ATP7A: variants seen among roughly 807,000 people sequenced by gnomAD.
ATP7A encodes the protein copper-transporting ATPase 1.
A neutral mutation model predicts 83.5 loss-of-function variants in ATP7A; 7 were observed. The ratio of observed to expected loss-of-function variants is 0.08; its 90% confidence interval spans 0.05 to 0.16. The LOEUF is 0.16. Among genes scored for constraint, ATP7A ranks in the 10% least tolerant of loss-of-function variants. ATP7A has a pLI of 1.00. For missense variants in ATP7A, 940 were observed against 1,120.8 expected (o/e 0.84, Z 2.30); for synonymous variants, 354 against 395.2 (o/e 0.90, Z 1.24).
At chrX:77,995,567 CAAAA>C (rs1232051931) in intron 4 of ATP7A, among the ~76,000 whole-genome samples, 3 of 35,023 alleles carry the variant, frequency 8.6e-5, no homozygotes, top group Admixed American at 8.1e-4. Context: ...GACTCCATCT[CAAAA>C]AAAAAAAAAA....
At chrX:77,949,617 T>C (rs1557226594) in intron 1 of ATP7A, among the ~76,000 whole-genome samples, 1 of 112,252 alleles carries the variant, frequency 8.9e-6, no homozygotes, top group Non-Finnish European at 1.9e-5. Flanking sequence ...CCAACAATTC[T>C]ACTGGTGGGA....
rs1377509132 is a variant in ATP7A, at chrX:77,998,753, A to G, written c.1543+69A>G. Reference sequence around the variant, plus strand: ...AGCTCCATCTTTTTTGTTCTCTTACATGTTTTGTAACTATGTTATGATTCT... The same window carrying G: ...AGCTCCATCTTTTTTGTTCTCTTACGTGTTTTGTAACTATGTTATGATTCT... On this transcript the variant is annotated intron_variant, in intron 5 of 22. Coordinates refer to ENST00000341514, the MANE Select transcript of ATP7A (RefSeq NM_000052.7). 8.5e-6 allele frequency: 9 copies of G among 1,057,070 alleles called. No individual in the cohort carries two copies. The African/African-American group carries it at 1.8e-4, about 21-fold the overall frequency. 87.1% of individuals were successfully genotyped at this position (1,057,070 alleles called of 1,213,427 possible).
At chrX:77,945,291 C>T (rs2077372456) in intron 1 of ATP7A, among the ~76,000 whole-genome samples, 1 of 111,930 alleles carries the variant, frequency 8.9e-6, no homozygotes. Flanking sequence ...GATCCTCCCA[C>T]CTCAGCCTCC....
intron 6 of ATP7A, 62 bp from the exon 7 acceptor site, chrX:78,009,040 T>C: frequency 9.6e-7 from 1 of 1,042,022 alleles, no homozygotes; most frequent in Non-Finnish European, 1.3e-6. Flanking sequence ...AAAAAAGTGG[T>C]AACTCATGTT....
At chrX:78,032,190 G>A (rs2077987543) in intron 16 of ATP7A, among the ~76,000 whole-genome samples, 1 of 111,533 alleles carries the variant, frequency 9.0e-6, no homozygotes, top group Non-Finnish European at 1.9e-5. Context: ...GAATTTTCCT[G>A]TCAGGAAATG....
chrX:78,018,135 T>C (rs1441484678), intron 12 of ATP7A, among the ~76,000 whole-genome samples: 1 of 108,529 alleles, frequency 9.2e-6, no homozygotes, highest in Non-Finnish European at 1.9e-5. Context: ...TCCCCATAAG[T>C]TCCTCATCTC....
chrX:77,921,308 T>C (rs2077213597), intron 1 of ATP7A, among the ~76,000 whole-genome samples: 1 of 112,131 alleles, frequency 8.9e-6, no homozygotes, highest in Non-Finnish European at 1.9e-5. Context: ...TCCATTCTTC[T>C]GGAGAACTCC....
chrX:78,023,123 C>T (rs1434721247), intron 14 of ATP7A, among the ~76,000 whole-genome samples: 1 of 112,054 alleles, frequency 8.9e-6, no homozygotes, highest in African/African-American at 3.2e-5. Flanking sequence ...GACATGATTT[C>T]TTTTTTTATG....
chrX:77,939,304 A>C (rs911573382), intron 1 of ATP7A, among the ~76,000 whole-genome samples: 1 of 110,888 alleles, frequency 9.0e-6, no homozygotes, highest in Non-Finnish European at 1.9e-5. Context: ...CTCAAAAAAA[A>C]AAAAAGTACA....
At chrX:77,990,032 A>T in intron 4 of ATP7A, 74 bp downstream of exon 4, 1 of 1,166,969 alleles carries the variant, frequency 8.6e-7, no homozygotes, top group African/African-American at 1.8e-5. Flanking sequence ...GGCATTTATC[A>T]ATGAGAAATG....
intron 1 of ATP7A, among the ~76,000 whole-genome samples, chrX:77,926,643 T>C (rs2149044607): frequency 8.9e-6 from 1 of 111,955 alleles, no homozygotes; most frequent in East Asian, 2.8e-4. Context: ...AGTCAATATT[T>C]AGATATCTCT....
In ATP7A at chrX:77,998,491, G is replaced by T. The variant is rs782421584; in HGVS notation, c.1350G>T (p.Pro450=). ...CCTTTCTACCAGACACGAATGAGCC[G>T]TTGGTAGTAATAGCTCAGCCTTCAT... ...FDATLSDTNE[P]LVVIAQPSSE... is the part of the protein sequence containing the mutation. The change falls in exon 5 of 23, where the codon CCG becomes CCT. Residue 450 remains proline (P), a synonymous_variant. Coordinates refer to ENST00000341514, the MANE Select transcript of ATP7A (RefSeq NM_000052.7). The T allele has an allele frequency of 8.3e-7, 1 of 1,209,589 alleles. No individual in the cohort carries two copies. The highest frequency in any genetic ancestry group is 1.7e-5 in the African/African-American group (1 of 57,216).
rs982861458 is a variant in ATP7A at position 78,042,344 on chromosome X, C to T, written c.3802-241C>T. Among the ~76,000 whole-genome samples the T allele has an allele frequency of 2.7e-5, 3 of 110,822 alleles. No homozygotes were observed. The Admixed American group carries it at 2.9e-4, about 11-fold the overall frequency. On this transcript the variant is annotated intron_variant, in intron 19 of 22. Transcript: ENST00000341514. ...TAGAGCTAGACATGGAATTGCTAGA[C>T]CAAATGATGCTCACATTTTGATAGA...
At chrX:78,000,145 A>G (rs1267652909) in intron 5 of ATP7A, among the ~76,000 whole-genome samples, 3 of 110,998 alleles carry the variant, frequency 2.7e-5, no homozygotes, top group Non-Finnish European at 1.9e-5. Context: ...AATAAAATGT[A>G]TGGTATACGG....
At chrX:77,928,852 C>T (rs929243371) in intron 1 of ATP7A, among the ~76,000 whole-genome samples, 3 of 111,693 alleles carry the variant, frequency 2.7e-5, no homozygotes, top group Non-Finnish European at 5.6e-5. Flanking sequence ...TGTGCTAGGC[C>T]GTCAATGGGT....
Position 77,988,605 on chromosome X carries a change from G to T in ATP7A, c.484G>T (p.Asp162Tyr). The T allele has an allele frequency of 8.3e-7, 1 of 1,211,839 alleles. No homozygotes were observed. The highest frequency in any genetic ancestry group is 1.1e-6 in the Non-Finnish European group (1 of 895,545). ...TLEKKSGACE[D>Y]HSMAQAGEVV... is the part of the protein sequence containing the mutation. ...GGAGAAAAAGTCAGGAGCTTGTGAA[G>T]ATCATAGTATGGCTCAAGCTGGTGA... is the stretch of plus-strand genomic sequence containing the variant. The change falls in exon 3 of 23, where the codon GAT becomes TAT. Residue 162 changes from aspartate (D) to tyrosine (Y), a missense_variant. Physicochemically the swap from Asp to Tyr is radical, Grantham distance 160. Transcript: ENST00000341514.
At chrX:77,971,133 C>A (rs2149073494) in intron 1 of ATP7A, among the ~76,000 whole-genome samples, 1 of 111,731 alleles carries the variant, frequency 9.0e-6, no homozygotes, top group African/African-American at 3.3e-5. Context: ...GCGTAACAGC[C>A]AGGAGGCCAG....
intron 6 of ATP7A, 82 bp downstream of exon 6, chrX:78,003,318 T>G: frequency 1.1e-6 from 1 of 945,301 alleles, no homozygotes; most frequent in Non-Finnish European, 1.5e-6. Context: ...TGAAGATAAT[T>G]AAAGGTGGGG....
At chrX:77,961,293 C>T (rs2077473075) in intron 1 of ATP7A, among the ~76,000 whole-genome samples, 1 of 111,806 alleles carries the variant, frequency 8.9e-6, no homozygotes, top group African/African-American at 3.3e-5. Flanking sequence ...TCTCTCAGTT[C>T]CTCAGTAAGC....
Sources: allele counts gnomAD v4.1 joint callset (sites outside exome capture counted in the v4.1 genomes callset), GRCh38; gene constraint gnomAD v4.1.1; transcripts MANE v1.5; gene names NCBI Gene and HGNC (gene_info 2026-07-23, HGNC 2026-07-21).